Variants in HNF4G observed in about 807,000 individuals in gnomAD.
The protein encoded by HNF4G is hepatocyte nuclear factor 4 gamma.
Under a neutral mutation model 50.9 loss-of-function variants are expected in HNF4G, and 21 were observed. The observed-to-expected ratio is 0.41, with a 90% confidence interval of 0.29 to 0.59. HNF4G has a LOEUF of 0.59. HNF4G is among the 20% of genes least tolerant of loss of function. The pLI, the probability that HNF4G is intolerant of heterozygous loss-of-function variation, is 0.26. For missense variants in HNF4G, 527 were observed against 559.4 expected, an observed-to-expected ratio of 0.94 and a Z score of 0.58; for synonymous variants, 198 against 185.6, an observed-to-expected ratio of 1.07 and a Z score of -0.54.
chr8:75,430,049 G>A (rs1008115463), intron 1 of HNF4G, among the ~76,000 whole-genome samples: 1 of 151,974 alleles, frequency 6.6e-6, no homozygotes, highest in Non-Finnish European at 1.5e-5. Context: ...TACTAGGGAG[G>A]CTGAGGCAGG....
At chr8:75,523,009 G>C (rs932084660) in intron 2 of HNF4G, among the ~76,000 whole-genome samples, 1 of 151,974 alleles carries the variant, frequency 6.6e-6, no homozygotes, top group Admixed American at 6.6e-5. Context: ...GGTGGATCAC[G>C]AGGTCAGGAG....
At chr8:75,463,674 C>A (rs987583010) in intron 1 of HNF4G, among the ~76,000 whole-genome samples, 4 of 151,684 alleles carry the variant, frequency 2.6e-5, no homozygotes, top group Admixed American at 2.0e-4. Flanking sequence ...CTCAAGTTTT[C>A]CTTTCTTCAG....
Position 75,558,585 on chromosome 8 carries a change from A to G in HNF4G, c.801A>G (p.Leu267=), listed in dbSNP as rs1364430697. 6.2e-7 allele frequency: 1 copy of G among 1,613,866 alleles called. No individual in the cohort carries two copies. Among genetic ancestry groups the G allele is most frequent in the South Asian group, 1.1e-5 (1 of 91,078 alleles). Residue 267 remains leucine, a synonymous_variant, in exon 7 of 10, where the codon CTA becomes CTG. Coordinates refer to ENST00000396423, the MANE Select transcript of HNF4G (RefSeq NM_004133.5). ...VEISRVANRV[L]DELVRPFQEI... ...TTAGCCGTGTGGCCAATCGTGTTCT[A>G]GATGAGCTGGTTAGACCATTTCAAG...
intron 1 of HNF4G, among the ~76,000 whole-genome samples, chr8:75,442,835 T>C (rs1211858413): frequency 1.3e-5 from 2 of 152,156 alleles, no homozygotes; most frequent in Non-Finnish European, 2.9e-5. Flanking sequence ...ATAAAATGCC[T>C]ATATTCTGTG....
chr8:75,549,477 C>T (rs1426063111), intron 3 of HNF4G, among the ~76,000 whole-genome samples: 1 of 150,446 alleles, frequency 6.6e-6, no homozygotes, highest in Non-Finnish European at 1.5e-5. Flanking sequence ...ACAAAAAGAG[C>T]AAGCTACCAG....
chr8:75,461,928 AT>A (rs1554571758), intron 1 of HNF4G, among the ~76,000 whole-genome samples: 6 of 40,000 alleles, frequency 1.5e-4, no homozygotes, highest in African/African-American at 6.4e-4. Flanking sequence ...ATATATATAT[AT>A]TTTTTTAGAT....
intron 1 of HNF4G, among the ~76,000 whole-genome samples, chr8:75,421,206 G>T (rs768354639): frequency 6.6e-5 from 10 of 152,136 alleles, no homozygotes; most frequent in Non-Finnish European, 1.3e-4. Flanking sequence ...TTCATGGTAG[G>T]TCTTGGAAAT....
intron 2 of HNF4G, among the ~76,000 whole-genome samples, chr8:75,522,063 G>A (rs1585918927): frequency 6.6e-6 from 1 of 152,288 alleles, no homozygotes; most frequent in East Asian, 1.9e-4. Context: ...GCAAGTCAAG[G>A]AACATTTGTA....
At chr8:75,431,871 A>G (rs1338910460) in intron 1 of HNF4G, among the ~76,000 whole-genome samples, 2 of 151,868 alleles carry the variant, frequency 1.3e-5, no homozygotes, top group African/African-American at 4.8e-5. Flanking sequence ...GTTTGCAGTG[A>G]GCCAAGATCG....
chr8:75,547,219 C>T (rs536374357), intron 2 of HNF4G, among the ~76,000 whole-genome samples: 2 of 152,256 alleles, frequency 1.3e-5, no homozygotes, highest in South Asian at 4.1e-4. Context: ...AAATACAGGG[C>T]CATGAAGTTC....
chr8:75,431,938 C>A (rs1008212526), intron 1 of HNF4G, among the ~76,000 whole-genome samples: 8 of 148,734 alleles, frequency 5.4e-5, no homozygotes, highest in Middle Eastern at 3.4e-3. Flanking sequence ...AAAAAAAAAA[C>A]AAAACAAAAA....
Position 75,556,029 on chromosome 8 carries a change from T to C in HNF4G, c.693T>C (p.Ala231=), listed in dbSNP as rs2130809164. The change falls in exon 6 of 10, where the codon GCT becomes GCC. Residue 231 remains alanine, a synonymous_variant. Transcript: ENST00000396423. ...AHAGEHLLLG[A]TKRSMMYKDI... ...CAGGGGAGCACTTACTGCTTGGAGCTACAAAGAGATCCATGATGTATAAAG... is the reference window on the plus strand; with the variant it reads ...CAGGGGAGCACTTACTGCTTGGAGCCACAAAGAGATCCATGATGTATAAAG... 6.3e-7 allele frequency: 1 copy of C among 1,587,366 alleles called. No homozygotes were observed. The highest frequency in any genetic ancestry group is 8.6e-7 in the Non-Finnish European group (1 of 1,166,400).
intron 5 of HNF4G, 92 bp downstream of exon 5, chr8:75,553,289 T>C (rs937584120): frequency 1.0e-6 from 1 of 953,702 alleles, no homozygotes; most frequent in African/African-American, 1.7e-5. Context: ...ATGCATATTC[T>C]ATATTACTGT....
At chr8:75,454,486 A>T (rs1235180552) in intron 1 of HNF4G, among the ~76,000 whole-genome samples, 1 of 152,184 alleles carries the variant, frequency 6.6e-6, no homozygotes, top group Non-Finnish European at 1.5e-5. Flanking sequence ...AGCACACAGT[A>T]GTCCACTTGT....
At chr8:75,444,112 G>A (rs938473822) in intron 1 of HNF4G, among the ~76,000 whole-genome samples, 1 of 151,954 alleles carries the variant, frequency 6.6e-6, no homozygotes, top group Admixed American at 6.6e-5. Flanking sequence ...GAAGAGAGTG[G>A]GGGCCAATAT....
At chr8:75,426,010 T>C in intron 1 of HNF4G, among the ~76,000 whole-genome samples, 1 of 152,218 alleles carries the variant, frequency 6.6e-6, no homozygotes, top group East Asian at 1.9e-4. Flanking sequence ...ATTTCTATTT[T>C]GTCAATTGGT....
At chr8:75,482,514 G>T (rs542970421) in intron 1 of HNF4G, among the ~76,000 whole-genome samples, 28 of 152,122 alleles carry the variant, frequency 1.8e-4, no homozygotes, top group Admixed American at 1.5e-3. Flanking sequence ...CTACAGGCTT[G>T]CACCACCATG....
intron 1 of HNF4G, among the ~76,000 whole-genome samples, chr8:75,456,799 G>A (rs950724912): frequency 1.3e-5 from 2 of 151,734 alleles, no homozygotes; most frequent in Non-Finnish European, 2.9e-5. Flanking sequence ...GGAGTGCAGT[G>A]GCATGATCAT....
upstream of HNF4G, among the ~76,000 whole-genome samples, chr8:75,536,680 G>A (rs980138031): frequency 1.3e-5 from 2 of 152,004 alleles, no homozygotes; most frequent in East Asian, 3.8e-4. Flanking sequence ...TTGTGCCATA[G>A]ACATGTTTAT....
Sources: allele counts gnomAD v4.1 joint callset (sites outside exome capture counted in the v4.1 genomes callset), GRCh38; gene constraint gnomAD v4.1.1; transcripts MANE v1.5; gene names NCBI Gene and HGNC (gene_info 2026-07-23, HGNC 2026-07-21).